DRICH1: variants seen among roughly 807,000 people sequenced by gnomAD.
The protein encoded by DRICH1 is aspartate rich 1.
Under a neutral mutation model 39.5 loss-of-function variants are expected in DRICH1, and 38 were observed. The ratio of observed to expected loss-of-function variants is 0.96; its 90% CI spans 0.74 to 1.26. The LOEUF is 1.26. Among genes scored for constraint, DRICH1 ranks in the 50% most tolerant of loss-of-function variants. The pLI is 0.00. For missense variants in DRICH1, 279 were observed against 270.4 expected (o/e 1.03, Z -0.22); for synonymous variants, 84 against 99.5 (o/e 0.84, Z 0.93).
chr22:23,614,311 T>G lies in DRICH1; in HGVS notation c.542-97A>C, dbSNP rs575746596. The G allele has an allele frequency of 6.9e-4, 576 of 839,558 alleles. 7 individuals are homozygous for G. In the South Asian group the frequency reaches 7.7e-3, roughly 11 times the overall value. The allele number at this position is 839,558 out of a possible 1,614,324, so 52.0% of individuals were successfully genotyped here. A position where few individuals can be genotyped will look rare whatever the true frequency, so the allele number is the denominator to read the frequency against. ...GATGTGGTGTATGGAGGTGGTTGAT[T>G]AACAAGCATGGACTGAGTTGATGCT... On this transcript the variant is annotated intron_variant, in intron 8 of 11. Transcript: ENST00000317749.
chr22:23,613,436 T>C (rs1376838201), intron 10 of DRICH1, 106 bp from the exon 11 acceptor site: 1 of 1,009,536 alleles, frequency 9.9e-7, no homozygotes, highest in Admixed American at 1.8e-5. Flanking sequence ...TCCCACTCCA[T>C]GCTGCTTCAT....
intron 1 of DRICH1, among the ~76,000 whole-genome samples, chr22:23,628,947 A>G (rs1282690086): frequency 6.6e-6 from 1 of 152,240 alleles, no homozygotes; most frequent in Non-Finnish European, 1.5e-5. Context: ...CAGGAAGGCC[A>G]GGTCCTGTTC....
At chr22:23,589,408 G>A in the DRICH1 span, among the ~76,000 whole-genome samples, 2 of 151,756 alleles carry the variant, frequency 1.3e-5, no homozygotes, top group African/African-American at 4.8e-5. Context: ...CTATGATGGT[G>A]CCACTGCACT....
chr22:23,614,962 A>G (rs116966519), intron 8 of DRICH1, among the ~76,000 whole-genome samples: 7 of 152,374 alleles, frequency 4.6e-5, no homozygotes, highest in Non-Finnish European at 8.8e-5. Context: ...ATAAGTTTCC[A>G]GGTTCAAATA....
downstream of DRICH1, among the ~76,000 whole-genome samples, chr22:23,605,625 C>CCCGCCCCTGCCT (rs1926683963): frequency 2.7e-5 from 4 of 150,648 alleles, no homozygotes; most frequent in African/African-American, 4.8e-5. Context: ...TGCCTCCATT[C>CCCGCCCCTGCCT]CCACCCCTGC....
intron 2 of DRICH1, among the ~76,000 whole-genome samples, chr22:23,625,377 A>C (rs1159163044): frequency 6.6e-6 from 1 of 152,046 alleles, no homozygotes; most frequent in Non-Finnish European, 1.5e-5. Flanking sequence ...TCCATTTTTA[A>C]CACAAACTGT....
chr22:23,620,459 C>T, intron 5 of DRICH1, 135 bp downstream of exon 5: 2 of 1,029,928 alleles, frequency 1.9e-6, no homozygotes, highest in South Asian at 2.6e-5. Context: ...CCCCTCTGCT[C>T]ATAGTTATAC....
the DRICH1 span, among the ~76,000 whole-genome samples, chr22:23,585,870 T>C: frequency 6.6e-6 from 1 of 152,200 alleles, no homozygotes. Flanking sequence ...TTAGGGTGCA[T>C]ACTCTGAATA....
At chr22:23,619,766 G>C (rs62238867) in intron 5 of DRICH1, among the ~76,000 whole-genome samples, 22 of 152,342 alleles carry the variant, frequency 1.4e-4, no homozygotes, top group African/African-American at 3.6e-4. Flanking sequence ...AGACACTGGA[G>C]CTATTGCAGT....
At chr22:23,616,896 T>C (rs200150486) in intron 7 of DRICH1, 22 bp from the exon 8 acceptor site, 1 of 1,613,596 alleles carries the variant, frequency 6.2e-7, no homozygotes, top group Non-Finnish European at 8.5e-7. Flanking sequence ...TAAAAGAAGA[T>C]GCTGTAAGGA....
the DRICH1 span, among the ~76,000 whole-genome samples, chr22:23,582,339 G>C: frequency 6.7e-5 from 10 of 148,692 alleles, no homozygotes; most frequent in African/African-American, 2.5e-4. Flanking sequence ...GCAATGGCAT[G>C]TCTAGATCTT....
Position 23,613,993 on chromosome 22 carries a change from C to G in DRICH1, c.621+142G>C. On this transcript the variant is annotated intron_variant, in intron 9 of 11. Transcript: ENST00000317749. ...CCACATATAAGTTGGGAAGACACTC[C>G]TATGGAATTCCAGCCCCACAAAGAG... 3 of 655,342 alleles carry G rather than the reference C, an allele frequency of 4.6e-6. No homozygotes were observed. The South Asian group carries it at 5.9e-5, about 13-fold the overall frequency. The allele number at this position is 655,342 out of a possible 1,614,324, so 40.6% of individuals were successfully genotyped here.
intron 10 of DRICH1, 143 bp from the exon 11 acceptor site, chr22:23,613,473 G>A (rs954377935): frequency 2.1e-6 from 2 of 933,512 alleles, no homozygotes; most frequent in Non-Finnish European, 3.5e-6. Context: ...TTTCTTCTGG[G>A]TCGACAAACC....
chr22:23,582,555 C>CTTTATTA, the DRICH1 span, among the ~76,000 whole-genome samples: 91 of 143,880 alleles, frequency 6.3e-4, 1 homozygote, highest in Non-Finnish European at 7.4e-4. Flanking sequence ...CCTTCAGGGG[C>CTTTATTA]TTATTATTAT....
intron 10 of DRICH1, 30 bp from the exon 11 acceptor site, chr22:23,613,360 A>G: frequency 6.3e-7 from 1 of 1,591,208 alleles, no homozygotes; most frequent in Non-Finnish European, 8.6e-7. Context: ...AGAATAAGTC[A>G]TTAGAGAGAG....
At chr22:23,585,452 A>G in the DRICH1 span, among the ~76,000 whole-genome samples, 28 of 152,132 alleles carry the variant, frequency 1.8e-4, no homozygotes, top group African/African-American at 6.0e-4. Flanking sequence ...CGTATTTCTT[A>G]ATTTCCAAAT....
Position 23,632,048 on chromosome 22 carries a change from C to G in DRICH1, c.-25G>C. On this transcript the variant is annotated 5_prime_UTR_variant, in exon 1 of 12. Coordinates refer to ENST00000317749, the MANE Select transcript of DRICH1 (RefSeq NM_016449.4). ...TGGGGCCTCTCCATGCCTCTCCACT[C>G]CTGCCTCAGCCTTCAGCGAAATTGT... 6.2e-7 allele frequency: 1 copy of G among 1,611,772 alleles called. No homozygotes were observed.
chr22:23,631,730 G>T (rs991749285), intron 1 of DRICH1, 86 bp downstream of exon 1: 30 of 1,096,410 alleles, frequency 2.7e-5, no homozygotes, highest in Non-Finnish European at 3.8e-5. Context: ...GGAAGCTGAG[G>T]ATGTCTCTGG....
chr22:23,628,429 C>T (rs1275626344), intron 1 of DRICH1, among the ~76,000 whole-genome samples: 4 of 152,084 alleles, frequency 2.6e-5, no homozygotes, highest in African/African-American at 4.8e-5. Flanking sequence ...TAGTTGGGTG[C>T]GGTGGCACAT....
Sources: allele counts gnomAD v4.1 joint callset (sites outside exome capture counted in the v4.1 genomes callset), GRCh38; gene constraint gnomAD v4.1.1; transcripts MANE v1.5; gene names NCBI Gene and HGNC (gene_info 2026-07-23, HGNC 2026-07-21).